HLCS: variants seen among roughly 807,000 people sequenced by gnomAD.
HLCS encodes holocarboxylase synthetase.
Under a neutral mutation model 75.0 loss-of-function variants are expected in HLCS, and 53 were observed. The observed-to-expected ratio is 0.71, with a 90% confidence interval of 0.57 to 0.89. The LOEUF (loss-of-function observed/expected upper bound fraction) is 0.89. Ranked by LOEUF, HLCS falls within the 40% of genes least tolerant of loss-of-function variation. HLCS has a pLI of 0.00. For missense variants in HLCS, 966 were observed against 1,074.0 expected, an observed-to-expected ratio of 0.90 and a Z score of 1.41; for synonymous variants, 431 against 428.6, an observed-to-expected ratio of 1.01 and a Z score of -0.07.
intron 8 of HLCS, 141 bp downstream of exon 8, chr21:36,764,871 C>G: frequency 1.1e-6 from 1 of 882,358 alleles, no homozygotes; most frequent in Non-Finnish European, 1.8e-6. Context: ...CTGAAAACTC[C>G]GAGAGCACTT....
At chr21:36,969,134 A>G (rs1362523679), upstream of HLCS, among the ~76,000 whole-genome samples, 1 of 152,222 alleles carries the variant, frequency 6.6e-6, no homozygotes, top group Non-Finnish European at 1.5e-5. Context: ...TATGAAGGGC[A>G]CAGTGAGAAG....
Position 36,937,150 on chromosome 21 carries a change from A to G in HLCS, c.736T>C (p.Tyr246His). Reference sequence around the variant, plus strand: ...TGGCAACTAGACAGATGGAGGTGATAATGCTCAACGGGGCCCCCTCCCCTG... The same window carrying G: ...TGGCAACTAGACAGATGGAGGTGATGATGCTCAACGGGGCCCCCTCCCCTG... ...SDRGGGPVEH[Y>H]HLHLSSCHEC... The change falls in exon 4 of 11, where the codon TAT becomes CAT. Residue 246 changes from tyrosine to histidine, a missense_variant. By Grantham distance (83) the Tyr-to-His change is moderately conservative. Coordinates refer to ENST00000674895, the MANE Select transcript of HLCS (RefSeq NM_001352514.2). 6.2e-7 allele frequency: 1 copy of G among 1,614,122 alleles called. No individual in the cohort carries two copies. The highest frequency in any genetic ancestry group is 1.1e-5 in the South Asian group (1 of 91,072).
At chr21:36,759,419 T>G (rs780426843) in intron 9 of HLCS, among the ~76,000 whole-genome samples, 10 of 152,250 alleles carry the variant, frequency 6.6e-5, no homozygotes, top group Non-Finnish European at 1.2e-4. Context: ...TATTACAGAA[T>G]AGAACGTTAA....
rs2062649349 is a variant in HLCS, at chr21:36,842,489, C to T, written c.1892+54371G>A. 6.6e-6 allele frequency among the ~76,000 whole-genome samples: 1 copy of T among 152,172 alleles called. No homozygotes were observed. Among genetic ancestry groups the T allele is most frequent in the Admixed American group, 6.5e-5 (1 of 15,268 alleles). On this transcript the variant is annotated intron_variant, in intron 6 of 10. Transcript: ENST00000674895. This position sits in a 1 kb window ranked among gnomAD's most constrained non-coding sequence, Gnocchi z 4.2. ...GCACAGTGGCTCATCCCTATAATCCCAGCACTTCGGGAGGCCAAGGTGGGC... is the reference window on the plus strand; with the variant it reads ...GCACAGTGGCTCATCCCTATAATCCTAGCACTTCGGGAGGCCAAGGTGGGC...
chr21:36,790,710 G>C (rs756498888), intron 6 of HLCS, among the ~76,000 whole-genome samples: 25 of 152,208 alleles, frequency 1.6e-4, no homozygotes, highest in Non-Finnish European at 2.9e-4. Context: ...AATCTGGGCT[G>C]TGAAGGCTCA....
chr21:36,898,514 T>C (rs1250106063), intron 5 of HLCS, among the ~76,000 whole-genome samples: 1 of 148,832 alleles, frequency 6.7e-6, no homozygotes, highest in Non-Finnish European at 1.5e-5. Context: ...TAAAACATTT[T>C]ACAGAACAGC....
rs2068604546 is a variant in HLCS, at chr21:36,966,628, G to A, written c.11C>T (p.Thr4Met). ...CGCCCACAGGTACAGGTAGCACAGC[G>A]TGATGAGCATGGCCGCGCCGCCGGC... is the stretch of plus-strand genomic sequence containing the variant. MLI[T>M]LCYLYLWARW... The change falls in exon 1 of 11, where the codon ACG (threonine) becomes ATG (methionine). Residue 4 changes from threonine (T) to methionine (M), a missense_variant. Coordinates refer to ENST00000674895, the MANE Select transcript of HLCS (RefSeq NM_001352514.2). The A allele has an allele frequency of 3.1e-6, 3 of 982,800 alleles. No homozygotes were observed. The highest frequency in any genetic ancestry group is 1.1e-4 in the East Asian group (1 of 8,754). 60.9% of individuals were successfully genotyped at this position (982,800 alleles called of 1,614,324 possible).
In HLCS at chr21:36,878,443, C is replaced by T. The variant is rs2064071297; in HGVS notation, c.1892+18417G>A. Among the ~76,000 whole-genome samples the T allele has an allele frequency of 2.6e-5, 4 of 152,030 alleles. No individual in the cohort carries two copies. In the South Asian group the frequency reaches 8.3e-4, roughly 32 times the overall value. On this transcript the variant is annotated intron_variant, in intron 6 of 10. Transcript: ENST00000674895. Reference sequence around the variant, plus strand: ...TTGTACTAACCAGAGATATTCTATCCCAAGTGAAATTCAAGTAAATAAACG... The same window carrying T: ...TTGTACTAACCAGAGATATTCTATCTCAAGTGAAATTCAAGTAAATAAACG...
intron 6 of HLCS, among the ~76,000 whole-genome samples, chr21:36,803,754 G>GA (rs34392668): frequency 2.9e-4 from 41 of 142,926 alleles, no homozygotes; most frequent in African/African-American, 8.3e-4. Flanking sequence ...TTTTTTTATT[G>GA]AAAAAAAAAA....
At chr21:36,915,542 C>A (rs1481731801) in intron 5 of HLCS, among the ~76,000 whole-genome samples, 1 of 152,150 alleles carries the variant, frequency 6.6e-6, no homozygotes, top group Non-Finnish European at 1.5e-5. Context: ...TCCAACACTG[C>A]CCTACGTGTG....
At chr21:36,825,904 A>T (rs889309082) in intron 6 of HLCS, among the ~76,000 whole-genome samples, 2 of 152,234 alleles carry the variant, frequency 1.3e-5, no homozygotes, top group African/African-American at 4.8e-5. Context: ...CTAAGAGGGC[A>T]GGGGAGCCAT....
intron 6 of HLCS, among the ~76,000 whole-genome samples, chr21:36,850,992 G>A (rs1314056646): frequency 6.6e-6 from 1 of 152,190 alleles, no homozygotes; most frequent in Admixed American, 6.5e-5. Flanking sequence ...ACGGCCACAG[G>A]TGATGGGCAG....
At chr21:36,757,499 C>T (rs1377548254) in intron 9 of HLCS, among the ~76,000 whole-genome samples, 2 of 152,116 alleles carry the variant, frequency 1.3e-5, no homozygotes, top group African/African-American at 2.4e-5. Flanking sequence ...GGCCCTGAAT[C>T]GGCCTGCGAG....
intron 6 of HLCS, among the ~76,000 whole-genome samples, chr21:36,791,640 AG>A (rs1423599944): frequency 2.0e-5 from 3 of 152,054 alleles, no homozygotes; most frequent in African/African-American, 7.2e-5. Flanking sequence ...TGAGAGAAAT[AG>A]GGGGTGATGG....
intron 6 of HLCS, 124 bp from the exon 7 acceptor site, chr21:36,767,409 T>C: frequency 1.2e-6 from 1 of 845,188 alleles, no homozygotes; most frequent in Non-Finnish European, 2.0e-6. Context: ...GGGCCAACTT[T>C]GGTTCCACTG....
intron 1 of HLCS, 82 bp from the exon 2 acceptor site, chr21:36,962,252 C>G (rs1405292895): frequency 1.1e-6 from 1 of 932,712 alleles, no homozygotes; most frequent in African/African-American, 1.7e-5. Context: ...TGAAACATAC[C>G]CTCCCCTATA....
intron 6 of HLCS, among the ~76,000 whole-genome samples, chr21:36,790,850 G>A (rs1269635340): frequency 1.3e-5 from 2 of 152,138 alleles, no homozygotes; most frequent in East Asian, 3.9e-4. Context: ...GAACTGTGGT[G>A]TTCTCTCCGT....
chr21:36,950,620 C>T (rs552225228), intron 2 of HLCS, among the ~76,000 whole-genome samples: 2 of 141,426 alleles, frequency 1.4e-5, no homozygotes, highest in South Asian at 4.7e-4. Flanking sequence ...AAGGCATACG[C>T]TACCATGCCT....
intron 1 of HLCS, among the ~76,000 whole-genome samples, chr21:36,963,138 G>A (rs1030720413): frequency 6.6e-6 from 1 of 152,182 alleles, no homozygotes; most frequent in Admixed American, 6.5e-5. Flanking sequence ...TCAAAAAGAA[G>A]ATTAGAATCA....
Sources: allele counts gnomAD v4.1 joint callset (sites outside exome capture counted in the v4.1 genomes callset), GRCh38; gene constraint gnomAD v4.1.1; non-coding constraint Gnocchi (gnomAD v3.1); transcripts MANE v1.5; gene names NCBI Gene and HGNC (gene_info 2026-07-23, HGNC 2026-07-21).